MAGI2: variants seen among roughly 807,000 people sequenced by gnomAD.
MAGI2 encodes the protein membrane associated guanylate kinase, WW and PDZ domain containing 2, also known as membrane-associated guanylate kinase, WW and PDZ domain-containing protein 2.
In MAGI2, 35 loss-of-function variants were observed where a neutral mutation model predicts 133.3. The observed-to-expected ratio is 0.26, with a 90% CI of 0.20 to 0.35. MAGI2 has a LOEUF of 0.35. Ranked by LOEUF, MAGI2 falls within the 10% of genes least tolerant of loss-of-function variation. MAGI2 has a pLI of 1.00. For missense variants in MAGI2, 1,636 were observed against 1,863.4 expected (o/e 0.88, Z 2.25); for synonymous variants, 729 against 710.6 (o/e 1.03, Z -0.41).
chr7:78,320,995 A>G (rs1441098667), intron 9 of MAGI2, among the ~76,000 whole-genome samples: 1 of 152,190 alleles, frequency 6.6e-6, no homozygotes, highest in African/African-American at 2.4e-5. Context: ...AGACAGCCAA[A>G]TCATGAGTGA....
At chr7:78,251,894 A>ACT (rs145011099) in intron 10 of MAGI2, 19,786 of 152,064 alleles carry the variant, frequency 0.13, 1,479 homozygotes, top group African/African-American at 0.2. Context: ...TGTAATCCCA[A>ACT]CTTTGGCGGG....
chr7:78,332,752 T>C (rs935512063), intron 9 of MAGI2, among the ~76,000 whole-genome samples: 7 of 151,008 alleles, frequency 4.6e-5, no homozygotes, highest in African/African-American at 9.7e-5. Context: ...TCAGTGCTGC[T>C]CTCACCCTCA....
chr7:78,121,263 C>T (rs1820452658), intron 20 of MAGI2, among the ~76,000 whole-genome samples: 1 of 147,018 alleles, frequency 6.8e-6, no homozygotes, highest in Non-Finnish European at 1.5e-5. Flanking sequence ...GCCAATTACG[C>T]TAAAATTAAG....
At chr7:78,260,558 TTTTCTC>T (rs1793420752) in intron 9 of MAGI2, among the ~76,000 whole-genome samples, 1 of 152,172 alleles carries the variant, frequency 6.6e-6, no homozygotes, top group South Asian at 2.1e-4. Context: ...TTATCAAATT[TTTTCTC>T]CATAAAAATA....
At chr7:78,616,258 C>G (rs561995539) in intron 3 of MAGI2, 3 of 152,168 alleles carry the variant, frequency 2.0e-5, no homozygotes, top group Non-Finnish European at 4.4e-5. Context: ...CTCTTTCATA[C>G]GTTTAACCTC....
rs909096036 is a variant in MAGI2, at chr7:78,789,281, T to C, written c.419-162042A>G. Among the ~76,000 whole-genome samples the C allele has an allele frequency of 2.6e-5, 4 of 152,204 alleles. No homozygotes were observed. In the South Asian group the frequency reaches 8.3e-4, roughly 32 times the overall value. On this transcript the variant is annotated intron_variant, in intron 2 of 21. Coordinates refer to ENST00000354212, the MANE Select transcript of MAGI2 (RefSeq NM_012301.4). The stretch of plus-strand genomic sequence containing the variant: ...CCAATCTCACAAACATATATTTGAT[T>C]AATCCTTTGCTCATCTTAGGGAAAC...
intron 2 of MAGI2, among the ~76,000 whole-genome samples, chr7:78,807,357 A>T (rs1583972269): frequency 6.6e-6 from 1 of 152,192 alleles, no homozygotes; most frequent in African/African-American, 2.4e-5. Flanking sequence ...AAATTTAAAA[A>T]GCTATTTTTC....
chr7:79,325,944 AG>A (rs1454292795), intron 1 of MAGI2, among the ~76,000 whole-genome samples: 1 of 152,130 alleles, frequency 6.6e-6, no homozygotes, highest in African/African-American at 2.4e-5. Context: ...TGCTGGGAAT[AG>A]GGGGGTTCTG....
chr7:78,031,297 CTA>C (rs1232973222), intron 21 of MAGI2, among the ~76,000 whole-genome samples: 1 of 152,062 alleles, frequency 6.6e-6, no homozygotes, highest in Non-Finnish European at 1.5e-5. Context: ...GATGATATAA[CTA>C]TGTATTTTTG....
chr7:79,054,640 T>C (rs1812975606), intron 1 of MAGI2, among the ~76,000 whole-genome samples: 1 of 152,210 alleles, frequency 6.6e-6, no homozygotes, highest in South Asian at 2.1e-4. Context: ...TTTCAATAGT[T>C]TCCTAACTAA....
chr7:79,337,433 A>G (rs1840514030), intron 1 of MAGI2, among the ~76,000 whole-genome samples: 1 of 152,228 alleles, frequency 6.6e-6, no homozygotes, highest in Non-Finnish European at 1.5e-5. Context: ...ATACATGTCC[A>G]GAGTTTCACT....
chr7:79,388,067 T>A (rs1168670238), intron 1 of MAGI2, among the ~76,000 whole-genome samples: 2 of 151,996 alleles, frequency 1.3e-5, no homozygotes, highest in East Asian at 3.9e-4. Context: ...AACCTGCAAT[T>A]TGAAATTTAC....
intron 2 of MAGI2, among the ~76,000 whole-genome samples, chr7:78,770,057 G>A (rs958415412): frequency 6.6e-6 from 1 of 152,138 alleles, no homozygotes; most frequent in Non-Finnish European, 1.5e-5. Flanking sequence ...GGGCACAATG[G>A]CAAATTGGCA....
At chr7:78,198,729 C>G (rs761226724) in intron 11 of MAGI2, among the ~76,000 whole-genome samples, 7 of 152,148 alleles carry the variant, frequency 4.6e-5, no homozygotes, top group Non-Finnish European at 7.3e-5. Context: ...GGCCCCTCTC[C>G]CCTACTCCCA....
At chr7:79,331,098 A>T (rs2129090688) in intron 1 of MAGI2, among the ~76,000 whole-genome samples, 1 of 152,276 alleles carries the variant, frequency 6.6e-6, no homozygotes, top group South Asian at 2.1e-4. Context: ...GGTCTAGAGG[A>T]TGTGAGTGCG....
chr7:78,814,580 T>A (rs1789394426), intron 2 of MAGI2, among the ~76,000 whole-genome samples: 1 of 152,226 alleles, frequency 6.6e-6, no homozygotes, highest in Non-Finnish European at 1.5e-5. Context: ...ATTCTTATTT[T>A]TTGATACAAA....
intron 2 of MAGI2, among the ~76,000 whole-genome samples, chr7:78,948,988 C>G (rs910517123): frequency 6.6e-6 from 1 of 151,944 alleles, no homozygotes; most frequent in African/African-American, 2.4e-5. Context: ...TTATAGCAAT[C>G]AGTCACAAAG....
intron 21 of MAGI2, among the ~76,000 whole-genome samples, chr7:78,041,624 A>C (rs1373016112): frequency 6.6e-6 from 1 of 152,334 alleles, no homozygotes; most frequent in Non-Finnish European, 1.5e-5. Flanking sequence ...ACAGCGAGAC[A>C]TGATTGCACC....
chr7:78,082,137 G>A (rs953431929), intron 20 of MAGI2, among the ~76,000 whole-genome samples: 2 of 152,164 alleles, frequency 1.3e-5, no homozygotes, highest in African/African-American at 2.4e-5. Flanking sequence ...AGGGCAAAAG[G>A]GATCTTGTAT....
Sources: gnomAD v4.1 joint callset for allele counts (sites outside exome capture counted in the v4.1 genomes callset) on GRCh38, gnomAD v4.1.1 for gene constraint, MANE v1.5 for transcripts, NCBI Gene and HGNC (gene_info 2026-07-23, HGNC 2026-07-21) for gene names.